The following C1orf87 variants were observed in gnomAD, a reference collection of about 807,000 sequenced individuals.
C1orf87 encodes chromosome 1 open reading frame 87.
In C1orf87, 58 loss-of-function variants were observed where a neutral mutation model predicts 60.5. The observed-to-expected ratio is 0.96, with a 90% CI of 0.78 to 1.19. The LOEUF (loss-of-function observed/expected upper bound fraction) is 1.19, where lower values mean the gene tolerates loss of function less well. Ranked by LOEUF, C1orf87 falls within the 50% of genes most tolerant of loss-of-function variation. The probability of loss-of-function intolerance (pLI) is 0.00; values close to 1 mark genes in which losing one functional copy is unlikely to be tolerated. For missense variants in C1orf87, 673 were observed against 638.6 expected, an observed-to-expected ratio of 1.05 and a Z score of -0.58; for synonymous variants, 236 against 227.4, an observed-to-expected ratio of 1.04 and a Z score of -0.34.
At chr1:60,054,798 T>C (rs1043150056) in intron 3 of C1orf87, among the ~76,000 whole-genome samples, 2 of 152,236 alleles carry the variant, frequency 1.3e-5, no homozygotes, top group Non-Finnish European at 2.9e-5. Flanking sequence ...AATTTTTTTT[T>C]GTAATTAGAC....
At chr1:60,066,050 G>C (rs1279724915) in intron 2 of C1orf87, among the ~76,000 whole-genome samples, 2 of 152,130 alleles carry the variant, frequency 1.3e-5, no homozygotes, top group Non-Finnish European at 2.9e-5. Context: ...ATACTTTGTT[G>C]TTAAAATATG....
intron 3 of C1orf87, among the ~76,000 whole-genome samples, chr1:60,045,976 G>C (rs1178140036): frequency 6.6e-6 from 1 of 152,076 alleles, no homozygotes; most frequent in African/African-American, 2.4e-5. Flanking sequence ...AAATCCCCCT[G>C]TTGTCTGGTA....
intron 6 of C1orf87, 31 bp downstream of exon 6, chr1:60,037,961 A>G: frequency 6.8e-7 from 1 of 1,479,616 alleles, no homozygotes; most frequent in Non-Finnish European, 9.4e-7. Flanking sequence ...ACACCTAGGA[A>G]CAATACCCTC....
intron 3 of C1orf87, among the ~76,000 whole-genome samples, chr1:60,052,862 T>C (rs1645424063): frequency 6.6e-6 from 1 of 152,226 alleles, no homozygotes; most frequent in African/African-American, 2.4e-5. Flanking sequence ...CAACTGTGGC[T>C]GCCATCTGGC....
intron 11 of C1orf87, 99 bp from the exon 12 acceptor site, chr1:59,990,932 A>C (rs1644917747): frequency 1.6e-6 from 2 of 1,231,244 alleles, no homozygotes; most frequent in South Asian, 1.5e-5. Context: ...GTAAAGACTA[A>C]ATGCTAATAC....
chr1:60,028,104 T>A (rs750868708), intron 7 of C1orf87, among the ~76,000 whole-genome samples: 15 of 152,140 alleles, frequency 9.9e-5, no homozygotes, highest in Non-Finnish European at 5.9e-5. Context: ...AAGAGTGGAA[T>A]GTGTATGAGT....
chr1:60,028,600 A>G (rs1466259853), intron 7 of C1orf87, among the ~76,000 whole-genome samples: 6 of 152,138 alleles, frequency 3.9e-5, no homozygotes, highest in African/African-American at 1.4e-4. Context: ...ATAAACATTC[A>G]TTTCCCCAAA....
intron 7 of C1orf87, 107 bp downstream of exon 7, chr1:60,033,369 G>A (rs1645252728): frequency 1.9e-6 from 2 of 1,055,608 alleles, no homozygotes; most frequent in Non-Finnish European, 2.7e-6. Flanking sequence ...ACTGTGTAAT[G>A]TAATCCACAG....
Position 60,072,470 on chromosome 1 carries a change from T to C in C1orf87, c.107+67A>G, listed in dbSNP as rs1645590455. ...CATTTTTTAAGTTTAAATTTCTGGG[T>C]GAAAACAAAACAATAAAACTTCATT... On this transcript the variant is annotated intron_variant, in intron 2 of 11. Coordinates refer to ENST00000371201, the MANE Select transcript of C1orf87 (RefSeq NM_152377.3). 6 of 1,281,810 alleles carry C rather than the reference T, an allele frequency of 4.7e-6. No individual in the cohort carries two copies. In the Admixed American group the frequency reaches 1.3e-4, roughly 28 times the overall value. The allele number at this position is 1,281,810 out of a possible 1,614,324, so 79.4% of individuals were successfully genotyped here. A position where few individuals can be genotyped will look rare whatever the true frequency, so the allele number is the denominator to read the frequency against.
chr1:60,028,581 A>G (rs1393092281), intron 7 of C1orf87, among the ~76,000 whole-genome samples: 1 of 152,234 alleles, frequency 6.6e-6, no homozygotes, highest in Middle Eastern at 3.2e-3. Flanking sequence ...TATTAAAAAA[A>G]CATGTGAAAT....
intron 7 of C1orf87, among the ~76,000 whole-genome samples, chr1:60,029,056 A>G (rs565061453): frequency 1.3e-5 from 2 of 152,264 alleles, no homozygotes; most frequent in African/African-American, 4.8e-5. Context: ...ACCCAGATCA[A>G]CGTGTTCAAA....
At chr1:60,055,611 C>T (rs952315860) in intron 2 of C1orf87, among the ~76,000 whole-genome samples, 173 bp from the exon 3 acceptor site, 3 of 152,194 alleles carry the variant, frequency 2.0e-5, no homozygotes, top group Non-Finnish European at 2.9e-5. Context: ...ATAGAGAGAA[C>T]ATGTTATTAA....
At chr1:59,991,533 A>G (rs983463604) in intron 11 of C1orf87, among the ~76,000 whole-genome samples, 4 of 152,270 alleles carry the variant, frequency 2.6e-5, no homozygotes, top group South Asian at 2.1e-4. Flanking sequence ...TCGTGTCATT[A>G]TATTTTATTT....
chr1:60,025,169 G>A (rs1040637441), intron 8 of C1orf87, among the ~76,000 whole-genome samples: 1 of 152,110 alleles, frequency 6.6e-6, no homozygotes, highest in Non-Finnish European at 1.5e-5. Context: ...CTTACAGATG[G>A]CTACCTTTTG....
intron 7 of C1orf87, among the ~76,000 whole-genome samples, chr1:60,032,731 C>T (rs1645248027): frequency 6.6e-6 from 1 of 152,082 alleles, no homozygotes; most frequent in East Asian, 1.9e-4. Flanking sequence ...AGCCACCACG[C>T]CTGGCGAGAC....
At chr1:60,044,052 C>T (rs758199654) in intron 3 of C1orf87, among the ~76,000 whole-genome samples, 6 of 152,136 alleles carry the variant, frequency 3.9e-5, no homozygotes, top group Non-Finnish European at 5.9e-5. Flanking sequence ...TTGTTTGAGA[C>T]GGAGTCTCGC....
chr1:60,001,183 G>T lies in C1orf87; in HGVS notation c.1193-27C>A, dbSNP rs773168617. 8.1e-6 allele frequency: 12 copies of T among 1,475,344 alleles called. No individual in the cohort carries two copies. In the South Asian group the frequency reaches 1.5e-4, roughly 19 times the overall value. The allele number at this position is 1,475,344 out of a possible 1,614,324, so 91.4% of individuals were successfully genotyped here. On this transcript the variant is annotated intron_variant, in intron 9 of 11. Coordinates refer to ENST00000371201, the MANE Select transcript of C1orf87 (RefSeq NM_152377.3). ...TGAACAAGAATAAAAAAAAAAAAAG[G>T]AAGGGTTTAGCTTGGTCTCTTCATT...
At chr1:60,066,813 T>C (rs12740660) in intron 2 of C1orf87, among the ~76,000 whole-genome samples, 121,815 of 151,854 alleles carry the variant, frequency 0.8, 49,302 homozygotes, top group South Asian at 0.88. Context: ...TCTTCTAATG[T>C]TAACCCTCCC....
At chr1:60,009,284 A>T (rs1645066439) in intron 9 of C1orf87, among the ~76,000 whole-genome samples, 1 of 152,066 alleles carries the variant, frequency 6.6e-6, no homozygotes, top group Non-Finnish European at 1.5e-5. Context: ...GAGTTACACA[A>T]TAACAAGCCA....
Sources: gnomAD v4.1 joint callset for allele counts (sites outside exome capture counted in the v4.1 genomes callset) on GRCh38, gnomAD v4.1.1 for gene constraint, MANE v1.5 for transcripts, NCBI Gene and HGNC (gene_info 2026-07-23, HGNC 2026-07-21) for gene names.